Variants in DSCAML1 observed in about 807,000 individuals in gnomAD.
DSCAML1 encodes cell adhesion molecule DSCAML1.
A neutral mutation model predicts 200.5 loss-of-function variants in DSCAML1; 38 were observed. That is an observed-to-expected ratio of 0.19 (90% CI 0.15 to 0.25). The LOEUF (loss-of-function observed/expected upper bound fraction) is 0.25. DSCAML1 is among the 10% of genes least tolerant of loss of function. The pLI, the probability that DSCAML1 is intolerant of heterozygous loss-of-function variation, is 1.00. For missense variants in DSCAML1, 2,223 were observed against 2,858.8 expected (o/e 0.78, Z 5.07); for synonymous variants, 1,215 against 1,165.0 (o/e 1.04, Z -0.87).
At chr11:117,524,740 C>A (rs1245502392) in intron 5 of DSCAML1, 65 bp downstream of exon 5, 1 of 1,522,108 alleles carries the variant, frequency 6.6e-7, no homozygotes, top group Admixed American at 2.3e-5. Context: ...GGCCACACTC[C>A]TCCCCCGACC....
intron 3 of DSCAML1, among the ~76,000 whole-genome samples, chr11:117,550,160 A>G (rs759759700): frequency 2.6e-5 from 4 of 152,176 alleles, no homozygotes; most frequent in East Asian, 1.9e-4. Context: ...TAGCTTGCCA[A>G]TTAAGAGGAC....
chr11:117,812,314 C>G (rs1164199116), intron 1 of DSCAML1, among the ~76,000 whole-genome samples: 2 of 152,206 alleles, frequency 1.3e-5, no homozygotes, highest in East Asian at 3.8e-4. Context: ...TCGCCTGCTA[C>G]AGCATGGCCT....
intron 20 of DSCAML1, among the ~76,000 whole-genome samples, chr11:117,449,366 G>C (rs1395032521): frequency 6.6e-6 from 1 of 152,106 alleles, no homozygotes; most frequent in African/African-American, 2.4e-5. Flanking sequence ...CGTGAGGATG[G>C]AGTGGGGGGC....
chr11:117,598,855 G>C (rs921733112), intron 3 of DSCAML1, among the ~76,000 whole-genome samples: 7 of 152,172 alleles, frequency 4.6e-5, no homozygotes, highest in Non-Finnish European at 7.3e-5. Flanking sequence ...GTTTTGAGAA[G>C]CATTCTGACT....
chr11:117,642,552 G>A lies in DSCAML1; in HGVS notation c.512-110030C>T, dbSNP rs942453877. Among the ~76,000 whole-genome samples the A allele has an allele frequency of 2.6e-5, 4 of 152,212 alleles. No individual in the cohort carries two copies. Among genetic ancestry groups the A allele is most frequent in the African/African-American group, 9.6e-5 (4 of 41,456 alleles). ...AGCAGGGGCACCAGGTGCCTGGCGA[G>A]GGGCTGGAAGGAGCAATGGTGAGAC... is the stretch of plus-strand genomic sequence containing the variant. On this transcript the variant is annotated intron_variant, in intron 3 of 32. Coordinates refer to ENST00000651296, the MANE Select transcript of DSCAML1 (RefSeq NM_020693.4). This position sits in a 1 kb window ranked among gnomAD's most constrained non-coding sequence, Gnocchi z 4.1.
intron 1 of DSCAML1, among the ~76,000 whole-genome samples, chr11:117,794,025 C>T (rs1430946710): frequency 2.0e-5 from 2 of 99,100 alleles, no homozygotes; most frequent in Non-Finnish European, 3.9e-5. Context: ...AAACACATTT[C>T]CCCATTGCCC....
At chr11:117,669,873 G>A (rs762571755) in intron 3 of DSCAML1, among the ~76,000 whole-genome samples, 10 of 152,218 alleles carry the variant, frequency 6.6e-5, no homozygotes, top group East Asian at 5.8e-4. Context: ...AATGAGCAAC[G>A]GGGCCTGTGG....
intron 7 of DSCAML1, among the ~76,000 whole-genome samples, chr11:117,517,359 G>C (rs2049792856): frequency 6.6e-6 from 1 of 152,140 alleles, no homozygotes; most frequent in Non-Finnish European, 1.5e-5. Context: ...CTGGGCAGAT[G>C]GCAATCTAGG....
chr11:117,429,204 G>A (rs539312823), intron 32 of DSCAML1, among the ~76,000 whole-genome samples: 158 of 152,228 alleles, frequency 1.0e-3, no homozygotes, highest in Middle Eastern at 3.4e-3. Context: ...GGCTCTGGCT[G>A]GTGGAAAGCT....
chr11:117,577,526 CT>C (rs1312548758), intron 3 of DSCAML1, among the ~76,000 whole-genome samples: 1 of 53,552 alleles, frequency 1.9e-5, no homozygotes, highest in East Asian at 3.9e-4. Context: ...TCCTTCCTTC[CT>C]TCCTTCCTTT....
rs10684152 is a variant in DSCAML1 at position 117,714,826 on chromosome 11, G to GGAAAAAAA, written c.511+61964_511+61965insTTTTTTTC. On this transcript the variant is annotated intron_variant, in intron 3 of 32. Transcript: ENST00000651296. Reference sequence around the variant, plus strand: ...GACAAGAGTGAAACTTCATCTTGAGGAAAAAAAAAAAAAAAAAGGAAGGTG... The same window carrying GGAAAAAAA: ...GACAAGAGTGAAACTTCATCTTGAGGGAAAAAAAAAAAAAAAAAAAAAAAAGGAAGGTG... Among the ~76,000 whole-genome samples, 2 of 115,546 alleles carry GGAAAAAAA rather than the reference G, an allele frequency of 1.7e-5. 1 individual carries two copies. 75.8% of individuals were successfully genotyped at this position (115,546 alleles called of 152,430 possible).
chr11:117,764,702 G>A (rs747773739), intron 3 of DSCAML1, among the ~76,000 whole-genome samples: 4 of 152,234 alleles, frequency 2.6e-5, no homozygotes, highest in Non-Finnish European at 5.9e-5. Flanking sequence ...CAGGCCCTGG[G>A]GTACAACCAT....
chr11:117,533,380 G>A (rs1421436154), intron 3 of DSCAML1, among the ~76,000 whole-genome samples: 1 of 152,144 alleles, frequency 6.6e-6, no homozygotes, highest in Non-Finnish European at 1.5e-5. Context: ...TGGAACTTCT[G>A]ACTCCCAGTT....
intron 3 of DSCAML1, among the ~76,000 whole-genome samples, chr11:117,580,771 G>T (rs1280542638): frequency 6.6e-6 from 1 of 152,098 alleles, no homozygotes; most frequent in Non-Finnish European, 1.5e-5. Context: ...GCACTGCTGT[G>T]TGGATTAATT....
intron 20 of DSCAML1, among the ~76,000 whole-genome samples, chr11:117,445,699 G>A (rs1338194023): frequency 6.6e-6 from 1 of 152,326 alleles, no homozygotes; most frequent in Non-Finnish European, 1.5e-5. Flanking sequence ...ATGTGCATGT[G>A]TGGAGAACAG....
chr11:117,623,075 C>T (rs2051968789), intron 3 of DSCAML1, among the ~76,000 whole-genome samples: 1 of 152,136 alleles, frequency 6.6e-6, no homozygotes, highest in African/African-American at 2.4e-5. Flanking sequence ...TCTCAAAGTC[C>T]TATGCCTATG....
Position 117,480,108 on chromosome 11 carries a change from G to A in DSCAML1, c.2785+335C>T, listed in dbSNP as rs570265731. Among the ~76,000 whole-genome samples, 1 of 152,316 alleles carries A rather than the reference G, an allele frequency of 6.6e-6. No homozygotes were observed. The highest frequency in any genetic ancestry group is 2.1e-4 in the South Asian group (1 of 4,832). On this transcript the variant is annotated intron_variant, in intron 14 of 32. Transcript: ENST00000651296. The surrounding 1 kb of genome is among the most constrained non-coding windows in gnomAD (Gnocchi z 4.1). Reference sequence around the variant, plus strand: ...ACCTGGCCAAACCCGTGATGCTTCTGATGCCAGAGACAGCCCACAGCCCTG... The same window carrying A: ...ACCTGGCCAAACCCGTGATGCTTCTAATGCCAGAGACAGCCCACAGCCCTG...
intron 3 of DSCAML1, among the ~76,000 whole-genome samples, chr11:117,691,460 T>C (rs1158275600): frequency 6.6e-6 from 1 of 152,194 alleles, no homozygotes; most frequent in Non-Finnish European, 1.5e-5. Context: ...GGCTTCTCTG[T>C]GTGCTCATAA....
At chr11:117,813,599 C>G (rs2055778118) in intron 1 of DSCAML1, among the ~76,000 whole-genome samples, 1 of 152,178 alleles carries the variant, frequency 6.6e-6, no homozygotes, top group South Asian at 2.1e-4. Flanking sequence ...CTGTTTTTCT[C>G]CTTCTCTTAT....
Sources: gnomAD v4.1 joint callset for allele counts (sites outside exome capture counted in the v4.1 genomes callset) on GRCh38, gnomAD v4.1.1 for gene constraint, Gnocchi (gnomAD v3.1) non-coding constraint, MANE v1.5 for transcripts, NCBI Gene and HGNC (gene_info 2026-07-23, HGNC 2026-07-21) for gene names.